Variants in RBL2 observed in about 807,000 individuals in gnomAD.
RBL2 encodes the protein retinoblastoma-like protein 2.
Under a neutral mutation model 126.0 loss-of-function variants are expected in RBL2, and 56 were observed. That is an observed-to-expected ratio of 0.44 (90% CI 0.36 to 0.56). RBL2 has a LOEUF of 0.56. RBL2 is among the 20% of genes least tolerant of loss of function. The pLI, the probability that RBL2 is intolerant of heterozygous loss-of-function variation, is 0.00. For missense variants in RBL2, 1,229 were observed against 1,398.2 expected, an observed-to-expected ratio of 0.88 and a Z score of 1.93; for synonymous variants, 454 against 478.5, an observed-to-expected ratio of 0.95 and a Z score of 0.67.
chr16:53,468,513 C>A (rs1232886474), intron 14 of RBL2, among the ~76,000 whole-genome samples: 1 of 152,178 alleles, frequency 6.6e-6, no homozygotes. Context: ...GTTCCCTAAT[C>A]TACAGATTAG....
In RBL2 at chr16:53,439,132, A is replaced by G. The variant is rs2057988934; in HGVS notation, c.357A>G (p.Lys119=). Residue 119 remains lysine (K), a synonymous_variant, in exon 2 of 22, where the codon AAA becomes AAG. Transcript: ENST00000262133. ...ATGTATCTTTAACTAGAATCCTGAA[A>G]TGTTCAGAGCAGAGGTAACTATGTT... ...GNYVSLTRIL[K]CSEQSLIEFF... The G allele has an allele frequency of 6.2e-7, 1 of 1,603,832 alleles. No homozygotes were observed. The highest frequency in any genetic ancestry group is 1.3e-5 in the African/African-American group (1 of 74,558).
intron 21 of RBL2, chr16:53,489,615 C>T (rs953165616): frequency 1.3e-5 from 2 of 151,988 alleles, no homozygotes; most frequent in Admixed American, 6.6e-5. Context: ...AGGATAGTAC[C>T]ATTCTAGATC....
At chr16:53,443,169 A>G in intron 3 of RBL2, 1 of 164,800 alleles carries the variant, frequency 6.1e-6, no homozygotes, top group South Asian at 1.8e-4. Context: ...TTTAAGCAAC[A>G]AAAAATGCAG....
chr16:53,475,957 GAGTA>G (rs1458692140), intron 17 of RBL2, among the ~76,000 whole-genome samples: 1 of 142,142 alleles, frequency 7.0e-6, no homozygotes, highest in Non-Finnish European at 1.5e-5. Context: ...TAAGCTTCCT[GAGTA>G]GCTGGGACCA....
intron 8 of RBL2, among the ~76,000 whole-genome samples, chr16:53,455,430 G>C (rs543368362): frequency 1.4e-4 from 22 of 152,270 alleles, no homozygotes; most frequent in African/African-American, 5.3e-4. Context: ...ACTTGAGACT[G>C]GTCTGCTTAT....
At chr16:53,459,092 A>G (rs2058194856) in intron 8 of RBL2, among the ~76,000 whole-genome samples, 1 of 152,170 alleles carries the variant, frequency 6.6e-6, no homozygotes, top group Non-Finnish European at 1.5e-5. Context: ...AATAATCTTA[A>G]TTTTTCAGGT....
At position 53,470,125 on chromosome 16, in the gene RBL2, A is replaced by G. The variant is rs1270183247; in HGVS notation, c.2185A>G (p.Thr729Ala). The G allele has an allele frequency of 5.6e-6, 9 of 1,611,352 alleles. No individual in the cohort carries two copies. The highest frequency in any genetic ancestry group is 1.1e-5 in the South Asian group (1 of 91,066). ...VTPVPGQTLV[T>A]MATATVTANN... ...ACCAGTTCCTGGACAGACTTTGGTC[A>G]CCATGGCAACCGCCACTGTCACAGC... Residue 729 changes from threonine (T) to alanine (A), a missense_variant, in exon 15 of 22, where the codon ACC becomes GCC. Around this residue, in one of 2 missense-constraint regions of RBL2, gnomAD observed 1,070 missense variants for 1,274.3 expected, o/e 0.84. Transcript: ENST00000262133.
chr16:53,475,553 G>T (rs896219219), intron 17 of RBL2, among the ~76,000 whole-genome samples: 1 of 151,864 alleles, frequency 6.6e-6, no homozygotes, highest in Non-Finnish European at 1.5e-5. Flanking sequence ...TTTGTTCTTG[G>T]TCTAGCTAAA....
Position 53,479,987 on chromosome 16 carries a change from T to G in RBL2, c.2877T>G (p.Asp959Glu), listed in dbSNP as rs148613895. ...HQNSPTELNK[D>E]RTSRDSSPVM... is the part of the protein sequence containing the mutation. ...ATTCTCCAACAGAACTAAACAAAGATAGAAGTAAGTGGGATCTTTGTGAAC... is the reference window on the plus strand; with the variant it reads ...ATTCTCCAACAGAACTAAACAAAGAGAGAAGTAAGTGGGATCTTTGTGAAC... Residue 959 changes from aspartate to glutamate, a missense_variant, in exon 19 of 22, where the codon GAT (aspartate) becomes GAG (glutamate). Coordinates refer to ENST00000262133, the MANE Select transcript of RBL2 (RefSeq NM_005611.4). The G allele has an allele frequency of 6.3e-7, 1 of 1,587,544 alleles. No individual in the cohort carries two copies. The highest frequency in any genetic ancestry group is 1.4e-5 in the African/African-American group (1 of 73,754).
Position 53,434,693 on chromosome 16 carries a change from A to G in RBL2, c.137A>G (p.Gln46Arg). 6.4e-7 allele frequency: 1 copy of G among 1,572,076 alleles called. No homozygotes were observed. Among genetic ancestry groups the G allele is most frequent in the East Asian group, 2.3e-5 (1 of 43,538 alleles). Residue 46 changes from glutamine (Q) to arginine (R), a missense_variant, in exon 1 of 22, where the codon CAG (glutamine) becomes CGG (arginine). Around this residue, in one of 2 missense-constraint regions of RBL2, gnomAD observed 159 missense variants for 123.9 expected, o/e 1.28. Coordinates refer to ENST00000262133, the MANE Select transcript of RBL2 (RefSeq NM_005611.4). ...PPAESPTPQI[Q>R]QRFDELCSRL... Reference sequence around the variant, plus strand: ...GCCGAGTCGCCCACCCCTCAGATCCAGCAGCGGTTCGACGAGCTGTGCAGC... The same window carrying G: ...GCCGAGTCGCCCACCCCTCAGATCCGGCAGCGGTTCGACGAGCTGTGCAGC...
intron 19 of RBL2, chr16:53,480,257 T>C (rs899862007): frequency 1.0e-4 from 53 of 526,280 alleles, no homozygotes; most frequent in Admixed American, 5.5e-4. Context: ...GATATGTCAA[T>C]TGGAACCATG....
In RBL2 at chr16:53,481,700, A is replaced by C. The variant is rs751671921; in HGVS notation, c.3114A>C (p.Pro1038=). Residue 1038 remains proline (P), a synonymous_variant, in exon 21 of 22, where the codon CCA becomes CCC. Coordinates refer to ENST00000262133, the MANE Select transcript of RBL2 (RefSeq NM_005611.4). Reference sequence around the variant, plus strand: ...ATGCTCCTCCACTCTCTCCCTATCCATTTGTAAGAACAGGCTCCCCTCGCC... The same window carrying C: ...ATGCTCCTCCACTCTCTCCCTATCCCTTTGTAAGAACAGGCTCCCCTCGCC... ...NMDAPPLSPY[P]FVRTGSPRRI... is the part of the protein sequence containing the mutation. 36 of 1,612,002 alleles carry C rather than the reference A, an allele frequency of 2.2e-5. 1 individual carries two copies. In the South Asian group the frequency reaches 2.3e-4, roughly 10 times the overall value.
At chr16:53,457,420 C>G (rs1286411742) in intron 8 of RBL2, among the ~76,000 whole-genome samples, 1 of 151,654 alleles carries the variant, frequency 6.6e-6, no homozygotes, top group African/African-American at 2.4e-5. Context: ...CCACCATGCC[C>G]AGCTAATTTT....
chr16:53,442,633 A>G, intron 2 of RBL2, 25 bp from the exon 3 acceptor site: 3 of 1,546,142 alleles, frequency 1.9e-6, no homozygotes, highest in Non-Finnish European at 2.7e-6. Context: ...TAATTATGAA[A>G]TATCTTGTTT....
chr16:53,460,008 G>A (rs2058205506), intron 9 of RBL2, among the ~76,000 whole-genome samples: 2 of 152,116 alleles, frequency 1.3e-5, no homozygotes, highest in African/African-American at 2.4e-5. Context: ...GGGTGACTCA[G>A]ATTTGAAAAG....
At chr16:53,489,961 C>T in intron 21 of RBL2, 169 bp from the exon 22 acceptor site, 1 of 454,506 alleles carries the variant, frequency 2.2e-6, no homozygotes, top group Non-Finnish European at 3.7e-6. Context: ...TCGGCCTCAG[C>T]CAGCTGAAAA....
At chr16:53,462,134 T>G (rs1000209359) in intron 10 of RBL2, among the ~76,000 whole-genome samples, 3 of 152,348 alleles carry the variant, frequency 2.0e-5, no homozygotes, top group Non-Finnish European at 4.4e-5. Flanking sequence ...GTAGTGATTC[T>G]TCAACATATT....
At chr16:53,441,162 G>A (rs1379888919) in intron 2 of RBL2, among the ~76,000 whole-genome samples, 1 of 151,822 alleles carries the variant, frequency 6.6e-6, no homozygotes, top group Non-Finnish European at 1.5e-5. Flanking sequence ...GTTTCACCGT[G>A]TTGACCAGGC....
At chr16:53,468,726 C>T (rs1274918735) in intron 14 of RBL2, among the ~76,000 whole-genome samples, 1 of 152,138 alleles carries the variant, frequency 6.6e-6, no homozygotes. Flanking sequence ...TTAGGATTTA[C>T]TCCTATCAGT....
Sources: allele counts gnomAD v4.1 joint callset (sites outside exome capture counted in the v4.1 genomes callset), GRCh38; gene constraint gnomAD v4.1.1; regional missense constraint gnomAD v4.1.1; transcripts MANE v1.5; gene names NCBI Gene and HGNC (gene_info 2026-07-23, HGNC 2026-07-21).